MYCT1: variants seen among roughly 807,000 people sequenced by gnomAD.
The protein encoded by MYCT1 is myc target protein 1.
In MYCT1, 12 loss-of-function variants were observed where a neutral mutation model predicts 15.0. The observed-to-expected ratio is 0.80, with a 90% CI of 0.51 to 1.29. The LOEUF (loss-of-function observed/expected upper bound fraction) is 1.29, where lower values mean the gene tolerates loss of function less well. MYCT1 is among the 50% of genes most tolerant of loss of function. MYCT1 has a pLI of 0.00. For synonymous variants in MYCT1, 104 were observed against 102.7 expected (o/e 1.01, Z -0.07); for missense variants, 287 against 279.1 (o/e 1.03, Z -0.20).
chr6:152,736,399 T>C, the MYCT1 span, among the ~76,000 whole-genome samples: 1 of 152,216 alleles, frequency 6.6e-6, no homozygotes, highest in East Asian at 1.9e-4. Flanking sequence ...AAAATAATCC[T>C]GTTGAGTCAA....
intron 1 of MYCT1, among the ~76,000 whole-genome samples, chr6:152,705,541 T>C (rs890024761): frequency 1.3e-5 from 2 of 148,542 alleles, no homozygotes; most frequent in Non-Finnish European, 3.0e-5. Flanking sequence ...AATGACAGGA[T>C]TTTTTTTTTA....
At chr6:152,735,011 G>A in the MYCT1 span, among the ~76,000 whole-genome samples, 3 of 152,244 alleles carry the variant, frequency 2.0e-5, no homozygotes, top group Admixed American at 1.3e-4. Context: ...ATAAAATCAG[G>A]CAATGCTTAT....
chr6:152,703,279 A>G (rs556301106), intron 1 of MYCT1, among the ~76,000 whole-genome samples: 2 of 152,338 alleles, frequency 1.3e-5, no homozygotes, highest in South Asian at 4.1e-4. Context: ...CAATTCTGTT[A>G]GTGAAGGGAG....
chr6:152,726,492 A>C (rs567252852), downstream of MYCT1, among the ~76,000 whole-genome samples: 1 of 151,620 alleles, frequency 6.6e-6, no homozygotes, highest in African/African-American at 2.4e-5. Flanking sequence ...AGTGGGACCC[A>C]TGCCTCATGG....
downstream of MYCT1, among the ~76,000 whole-genome samples, chr6:152,726,312 G>GCTTGAA (rs533474258): frequency 3.2e-4 from 48 of 150,976 alleles, 1 homozygote; most frequent in East Asian, 8.3e-3. Context: ...TAGGAGAATC[G>GCTTGAA]CTTGAACCTG....
intron 1 of MYCT1, among the ~76,000 whole-genome samples, chr6:152,713,133 T>C (rs117977267): frequency 0.015 from 2,322 of 152,170 alleles, 32 homozygotes; most frequent in Admixed American, 0.043. Context: ...TAAGTTCTAT[T>C]AATACACCTT....
At chr6:152,707,599 G>A (rs546730921) in intron 1 of MYCT1, among the ~76,000 whole-genome samples, 2 of 150,110 alleles carry the variant, frequency 1.3e-5, no homozygotes, top group African/African-American at 5.0e-5. Flanking sequence ...TTTTCCCTAT[G>A]TTGTCCTCTA....
the MYCT1 span, among the ~76,000 whole-genome samples, chr6:152,736,801 A>G: frequency 6.6e-6 from 1 of 152,146 alleles, no homozygotes; most frequent in Non-Finnish European, 1.5e-5. Context: ...AAAGAATAAA[A>G]ACATATGCTG....
At chr6:152,733,070 ATTTTG>A in the MYCT1 span, among the ~76,000 whole-genome samples, 2 of 149,834 alleles carry the variant, frequency 1.3e-5, no homozygotes, top group African/African-American at 4.9e-5. Context: ...TTTGTTTTTT[ATTTTG>A]TTTTGTTTGC....
At chr6:152,702,721 A>T (rs966540775) in intron 1 of MYCT1, among the ~76,000 whole-genome samples, 2 of 152,248 alleles carry the variant, frequency 1.3e-5, no homozygotes, top group African/African-American at 4.8e-5. Flanking sequence ...AAATTTGGAA[A>T]CAAATACTAT....
intron 1 of MYCT1, among the ~76,000 whole-genome samples, chr6:152,700,917 A>C (rs2099721208): frequency 6.6e-6 from 1 of 152,178 alleles, no homozygotes; most frequent in Non-Finnish European, 1.5e-5. Context: ...CCAAAAGTAC[A>C]ATGTCTGTCT....
intron 1 of MYCT1, among the ~76,000 whole-genome samples, chr6:152,712,697 T>C (rs2099722962): frequency 6.6e-6 from 1 of 152,138 alleles, no homozygotes; most frequent in Non-Finnish European, 1.5e-5. Context: ...AAGGGATACT[T>C]TTGCTGGATA....
At chr6:152,731,264 G>T in the MYCT1 span, among the ~76,000 whole-genome samples, 1 of 151,026 alleles carries the variant, frequency 6.6e-6, no homozygotes, top group Non-Finnish European at 1.5e-5. Flanking sequence ...ATAGGACAAA[G>T]AATATTACTT....
Position 152,724,324 on chromosome 6 carries a change from G to A in MYCT1, c.*2071G>A, listed in dbSNP as rs1441917135. 2 of 150,964 alleles carry A rather than the reference G, an allele frequency of 1.3e-5. No individual in the cohort carries two copies. The highest frequency in any genetic ancestry group is 3.9e-4 in the East Asian group (2 of 5,126). The allele number at this position is 150,964 out of a possible 1,614,324, so 9.4% of individuals were successfully genotyped here. On this transcript the variant is annotated 3_prime_UTR_variant, in exon 2 of 2. Transcript: ENST00000367245. ...ATGGTTTTTATCAAGAATTTGTGTT[G>A]GGAGTAAAAACTGCTTTATAGCTCC...
intron 1 of MYCT1, among the ~76,000 whole-genome samples, chr6:152,719,688 G>A (rs1358803942): frequency 6.6e-6 from 1 of 152,176 alleles, no homozygotes; most frequent in Non-Finnish European, 1.5e-5. Context: ...ATGGTGGAAG[G>A]ACACTGAACT....
chr6:152,730,048 G>GT, the MYCT1 span, among the ~76,000 whole-genome samples: 9 of 152,288 alleles, frequency 5.9e-5, no homozygotes, highest in African/African-American at 1.9e-4. Context: ...AATTCTTAAT[G>GT]TAACCAGGCA....
chr6:152,699,847 G>A (rs1184096121), intron 1 of MYCT1, among the ~76,000 whole-genome samples: 3 of 151,988 alleles, frequency 2.0e-5, no homozygotes, highest in African/African-American at 7.2e-5. Context: ...TAAAAATTTA[G>A]ATATTTTTAA....
intron 1 of MYCT1, among the ~76,000 whole-genome samples, chr6:152,718,255 T>C (rs956017441): frequency 1.3e-5 from 2 of 152,220 alleles, no homozygotes; most frequent in Non-Finnish European, 2.9e-5. Flanking sequence ...ATATATTCTA[T>C]AATAACTTGC....
In MYCT1 at chr6:152,724,538, T is replaced by C. The variant is rs1044309656; in HGVS notation, c.*2285T>C. ...TATTTCTTTAATTTGAAATGTTTTG[T>C]GGATTGTGAAATAAAAATAAATTTA... On this transcript the variant is annotated 3_prime_UTR_variant, in exon 2 of 2. Transcript: ENST00000367245. 3.3e-5 allele frequency: 5 copies of C among 152,182 alleles called. No individual in the cohort carries two copies. The highest frequency in any genetic ancestry group is 7.4e-5 in the Non-Finnish European group (5 of 68,026). 9.4% of individuals were successfully genotyped at this position (152,182 alleles called of 1,614,324 possible).
Sources: gnomAD v4.1 joint callset for allele counts (sites outside exome capture counted in the v4.1 genomes callset) on GRCh38, gnomAD v4.1.1 for gene constraint, MANE v1.5 for transcripts, NCBI Gene and HGNC (gene_info 2026-07-23, HGNC 2026-07-21) for gene names.